EYA4: variants seen among roughly 807,000 people sequenced by gnomAD.
EYA4 encodes protein phosphatase EYA4.
EYA4 carries 31 observed loss-of-function variants against 87.9 expected under a neutral mutation model. That is an observed-to-expected ratio of 0.35 (90% CI 0.27 to 0.48). The LOEUF (loss-of-function observed/expected upper bound fraction) is 0.48, where lower values mean the gene tolerates loss of function less well. Ranked by LOEUF, EYA4 falls within the 20% of genes least tolerant of loss-of-function variation. EYA4 has a pLI of 0.99. For missense variants in EYA4, 678 were observed against 761.4 expected (o/e 0.89, Z 1.29); for synonymous variants, 263 against 270.6 (o/e 0.97, Z 0.28).
intron 11 of EYA4, among the ~76,000 whole-genome samples, chr6:133,475,057 A>T (rs530650901): frequency 4.7e-4 from 72 of 152,228 alleles, no homozygotes; most frequent in African/African-American, 1.7e-3. Flanking sequence ...TCAATCATGT[A>T]TAGTATTGGG....
At chr6:133,362,850 A>G (rs1385349933) in intron 2 of EYA4, among the ~76,000 whole-genome samples, 1 of 152,150 alleles carries the variant, frequency 6.6e-6, no homozygotes, top group East Asian at 1.9e-4. Flanking sequence ...CTCGGACTCT[A>G]CTTCAGCTTT....
At chr6:133,482,894 A>G in intron 12 of EYA4, 138 bp from the exon 13 acceptor site, 1 of 746,964 alleles carries the variant, frequency 1.3e-6, no homozygotes, top group Non-Finnish European at 2.2e-6. Context: ...CAAATTTGAA[A>G]AACAAAAAAA....
At chr6:133,320,086 A>G (rs1239560117) in intron 2 of EYA4, among the ~76,000 whole-genome samples, 1 of 148,300 alleles carries the variant, frequency 6.7e-6, no homozygotes, top group African/African-American at 2.5e-5. Flanking sequence ...CATTTATTGT[A>G]TTTGTGTGTT....
chr6:133,434,437 T>C (rs551628668), intron 3 of EYA4, among the ~76,000 whole-genome samples: 2 of 152,176 alleles, frequency 1.3e-5, no homozygotes, highest in African/African-American at 2.4e-5. Context: ...GTAATAAAAT[T>C]TATGAAGGAT....
chr6:133,342,527 C>CTGATAACA (rs1782857628), intron 2 of EYA4, among the ~76,000 whole-genome samples: 1 of 138,330 alleles, frequency 7.2e-6, no homozygotes. Flanking sequence ...CCAGGATTAC[C>CTGATAACA]TGATAACATG....
At chr6:133,420,325 G>C (rs1318571868) in intron 3 of EYA4, among the ~76,000 whole-genome samples, 2 of 152,210 alleles carry the variant, frequency 1.3e-5, no homozygotes, top group Non-Finnish European at 2.9e-5. Context: ...TGTGTAAAAT[G>C]TAGGTTTTCT....
In EYA4 at chr6:133,372,920, A is replaced by G. The variant is rs542914948; in HGVS notation, c.34-9472A>G. 2.7e-3 allele frequency among the ~76,000 whole-genome samples: 410 copies of G among 152,058 alleles called. 1 individual carries two copies. The highest frequency in any genetic ancestry group is 9.5e-3 in the African/African-American group (395 of 41,532). On this transcript the variant is annotated intron_variant, in intron 2 of 19. Coordinates refer to ENST00000355286, the MANE Select transcript of EYA4 (RefSeq NM_004100.5). ...TATTGGGCACATTAGGAGAGTTTTT[A>G]TATATACTTTTAAAATGTTTTTTAA...
At chr6:133,352,236 A>G (rs1270676171) in intron 2 of EYA4, among the ~76,000 whole-genome samples, 2 of 152,202 alleles carry the variant, frequency 1.3e-5, no homozygotes, top group African/African-American at 2.4e-5. Context: ...TGTGTATACA[A>G]TGTGATTCAT....
chr6:133,375,528 A>G (rs532173396), intron 2 of EYA4, among the ~76,000 whole-genome samples: 2 of 151,962 alleles, frequency 1.3e-5, no homozygotes, highest in Admixed American at 6.6e-5. Context: ...AGGAAAGGAC[A>G]TATGTAATAG....
At chr6:133,522,800 G>A (rs1047371541) in intron 17 of EYA4, among the ~76,000 whole-genome samples, 23 of 152,090 alleles carry the variant, frequency 1.5e-4, no homozygotes, top group African/African-American at 3.6e-4. Flanking sequence ...ATTTGCCTAC[G>A]TATGACTTTT....
intron 2 of EYA4, among the ~76,000 whole-genome samples, chr6:133,340,169 T>A (rs1390413794): frequency 6.6e-6 from 1 of 152,200 alleles, no homozygotes; most frequent in East Asian, 1.9e-4. Flanking sequence ...ATAGGCTTAA[T>A]GTGTTAAAAC....
At chr6:133,414,780 T>A (rs1005265101) in intron 3 of EYA4, among the ~76,000 whole-genome samples, 1 of 152,190 alleles carries the variant, frequency 6.6e-6, no homozygotes, top group Non-Finnish European at 1.5e-5. Flanking sequence ...TTTAGTTCTT[T>A]TTAGTTTTTT....
chr6:133,458,127 A>G (rs1794061357), intron 6 of EYA4, among the ~76,000 whole-genome samples: 1 of 152,178 alleles, frequency 6.6e-6, no homozygotes, highest in Non-Finnish European at 1.5e-5. Context: ...ATCCTGTCTG[A>G]AATTCACTCA....
intron 3 of EYA4, among the ~76,000 whole-genome samples, chr6:133,406,574 A>G (rs536577136): frequency 5.9e-5 from 9 of 152,304 alleles, no homozygotes; most frequent in Admixed American, 5.2e-4. Flanking sequence ...AAATGTTCTA[A>G]GATTTGTCAT....
chr6:133,282,986 TTATAAA>T (rs1777752291), intron 2 of EYA4, among the ~76,000 whole-genome samples: 1 of 152,148 alleles, frequency 6.6e-6, no homozygotes, highest in African/African-American at 2.4e-5. Flanking sequence ...TAATTCTATC[TTATAAA>T]TTAAAATGAA....
intron 1 of EYA4, among the ~76,000 whole-genome samples, chr6:133,264,467 A>C (rs181002993): frequency 6.6e-6 from 1 of 152,252 alleles, no homozygotes; most frequent in Non-Finnish European, 1.5e-5. Flanking sequence ...GAAGGAGACC[A>C]TTACGTGGCT....
intron 17 of EYA4, among the ~76,000 whole-genome samples, chr6:133,516,397 A>G (rs1206969314): frequency 6.6e-6 from 1 of 152,054 alleles, no homozygotes; most frequent in Non-Finnish European, 1.5e-5. Context: ...AAAAAAAAGA[A>G]TCTGTCAGCA....
chr6:133,498,164 G>A (rs1166794742), intron 13 of EYA4, among the ~76,000 whole-genome samples: 1 of 152,158 alleles, frequency 6.6e-6, no homozygotes, highest in Non-Finnish European at 1.5e-5. Context: ...TTAATAGAAA[G>A]TAATAGAATT....
intron 2 of EYA4, among the ~76,000 whole-genome samples, chr6:133,322,418 G>A (rs967651715): frequency 3.9e-5 from 6 of 152,098 alleles, no homozygotes; most frequent in Admixed American, 2.6e-4. Context: ...TTACAAGACA[G>A]CTTTTTCTAT....
Sources: gnomAD v4.1 joint callset for allele counts (sites outside exome capture counted in the v4.1 genomes callset) on GRCh38, gnomAD v4.1.1 for gene constraint, MANE v1.5 for transcripts, NCBI Gene and HGNC (gene_info 2026-07-23, HGNC 2026-07-21) for gene names.